Variants in TXNDC16 observed in about 807,000 individuals in gnomAD.
TXNDC16 encodes the protein thioredoxin domain-containing protein 16.
TXNDC16 carries 74 observed loss-of-function variants against 85.6 expected under a neutral mutation model. The ratio of observed to expected loss-of-function variants is 0.86; its 90% CI spans 0.72 to 1.05. TXNDC16 has a LOEUF of 1.05. Ranked by LOEUF, TXNDC16 falls within the 50% of genes least tolerant of loss-of-function variation. The pLI is 0.00. For synonymous variants in TXNDC16, 335 were observed against 326.5 expected, an observed-to-expected ratio of 1.03 and a Z score of -0.28; for missense variants, 959 against 947.0, an observed-to-expected ratio of 1.01 and a Z score of -0.17.
chr14:52,450,081 T>A (rs2035372620), intron 18 of TXNDC16, among the ~76,000 whole-genome samples: 1 of 151,280 alleles, frequency 6.6e-6, no homozygotes, highest in African/African-American at 2.4e-5. Flanking sequence ...AAAGAAATAA[T>A]AAAGATCAGG....
At chr14:52,517,497 A>C (rs1216170365) in intron 7 of TXNDC16, among the ~76,000 whole-genome samples, 1 of 152,110 alleles carries the variant, frequency 6.6e-6, no homozygotes, top group Non-Finnish European at 1.5e-5. Context: ...CTGAGAACAA[A>C]CAACCAATTA....
chr14:52,537,794 T>C, intron 4 of TXNDC16, 122 bp from the exon 5 acceptor site: 1 of 612,028 alleles, frequency 1.6e-6, no homozygotes, highest in Non-Finnish European at 2.9e-6. Flanking sequence ...TATTTTATGT[T>C]TTTTTCTGAT....
At chr14:52,465,272 T>G in intron 16 of TXNDC16, among the ~76,000 whole-genome samples, 1 of 152,068 alleles carries the variant, frequency 6.6e-6, no homozygotes, top group East Asian at 1.9e-4. Context: ...GGAAGTTTCC[T>G]AGATAAATGG....
chr14:52,477,003 G>A (rs548716854), intron 14 of TXNDC16, among the ~76,000 whole-genome samples: 35 of 152,300 alleles, frequency 2.3e-4, no homozygotes, highest in Admixed American at 1.1e-3. Context: ...AAGCTAGAAA[G>A]GATTGGGGCC....
At chr14:52,482,365 AC>A (rs2036169855) in intron 13 of TXNDC16, 76 bp from the exon 14 acceptor site, 11 of 1,273,182 alleles carry the variant, frequency 8.6e-6, no homozygotes, top group African/African-American at 1.5e-5. Flanking sequence ...TAACAAATAT[AC>A]AGATTTATGA....
intron 18 of TXNDC16, among the ~76,000 whole-genome samples, chr14:52,452,860 C>CA (rs1260107308): frequency 6.6e-6 from 1 of 152,028 alleles, no homozygotes; most frequent in Non-Finnish European, 1.5e-5. Flanking sequence ...AATGGTCCTG[C>CA]ACAGCAAAGG....
intron 9 of TXNDC16, among the ~76,000 whole-genome samples, chr14:52,495,860 T>G (rs1038322509): frequency 3.9e-5 from 6 of 152,216 alleles, no homozygotes; most frequent in Admixed American, 1.3e-4. Flanking sequence ...TGAAGACCTG[T>G]GAACTAAAGA....
intron 8 of TXNDC16, 30 bp downstream of exon 8, chr14:52,514,850 A>T (rs2037041931): frequency 6.6e-7 from 1 of 1,524,306 alleles, no homozygotes; most frequent in Non-Finnish European, 8.9e-7. Context: ...AAAAACCTTT[A>T]AATTGTTGAC....
chr14:52,539,419 A>G (rs772749625), intron 4 of TXNDC16, among the ~76,000 whole-genome samples: 3 of 152,218 alleles, frequency 2.0e-5, no homozygotes, highest in Non-Finnish European at 1.5e-5. Context: ...ATGTATTAAG[A>G]ACGAACTGAA....
chr14:52,461,944 C>T (rs1050253394), intron 16 of TXNDC16, among the ~76,000 whole-genome samples: 4 of 152,312 alleles, frequency 2.6e-5, no homozygotes, highest in East Asian at 1.9e-4. Flanking sequence ...GTTTTATGAC[C>T]TTAAAACATG....
At chr14:52,442,244 A>G (rs1408773987) in intron 18 of TXNDC16, among the ~76,000 whole-genome samples, 1 of 152,166 alleles carries the variant, frequency 6.6e-6, no homozygotes, top group Non-Finnish European at 1.5e-5. Context: ...CACGTCCATT[A>G]TTTCATCCTC....
intron 5 of TXNDC16, 105 bp from the exon 6 acceptor site, chr14:52,536,898 T>C: frequency 1.1e-6 from 1 of 934,638 alleles, no homozygotes; most frequent in South Asian, 1.6e-5. Context: ...AGGTCTTTGA[T>C]GTTACAGCTG....
At chr14:52,479,842 A>C (rs1594713436) in intron 14 of TXNDC16, among the ~76,000 whole-genome samples, 2 of 152,244 alleles carry the variant, frequency 1.3e-5, no homozygotes, top group Admixed American at 6.5e-5. Context: ...ACATGGAACC[A>C]AAAAAGAGCC....
chr14:52,514,383 C>A (rs2037028763), intron 8 of TXNDC16, among the ~76,000 whole-genome samples: 1 of 152,186 alleles, frequency 6.6e-6, no homozygotes, highest in African/African-American at 2.4e-5. Flanking sequence ...AAACTTTAAC[C>A]CTAGGTTGCC....
At chr14:52,506,100 A>C (rs1279707754) in intron 9 of TXNDC16, among the ~76,000 whole-genome samples, 1 of 152,096 alleles carries the variant, frequency 6.6e-6, no homozygotes. Flanking sequence ...CAACCAAAAA[A>C]TAGTCCAGGA....
chr14:52,431,618 T>C lies in TXNDC16; in HGVS notation c.*686A>G, dbSNP rs980216067. 13 of 152,324 alleles carry C rather than the reference T, an allele frequency of 8.5e-5. No individual in the cohort carries two copies. The highest frequency in any genetic ancestry group is 3.1e-4 in the African/African-American group (13 of 41,586). The allele number at this position is 152,324 out of a possible 1,614,324, so 9.4% of individuals were successfully genotyped here. A position where few individuals can be genotyped will look rare whatever the true frequency, so the allele number is the denominator to read the frequency against. On this transcript the variant is annotated 3_prime_UTR_variant, in exon 21 of 21. Transcript: ENST00000281741. ...ACGACTACCATTTCGGGCAGGATAA[T>C]TCTTTGTTGTGGGGCGCTGTCCAAT...
intron 7 of TXNDC16, among the ~76,000 whole-genome samples, chr14:52,518,640 A>T (rs1288876867): frequency 6.6e-6 from 1 of 151,670 alleles, no homozygotes; most frequent in Non-Finnish European, 1.5e-5. Context: ...ATAACTTCCT[A>T]TTTTTCTCCC....
intron 12 of TXNDC16, among the ~76,000 whole-genome samples, chr14:52,485,298 AAG>A (rs2036243405): frequency 6.6e-6 from 1 of 152,230 alleles, no homozygotes; most frequent in Non-Finnish European, 1.5e-5. Flanking sequence ...GATATAAAAA[AAG>A]AAAATATTTT....
intron 9 of TXNDC16, among the ~76,000 whole-genome samples, chr14:52,496,526 A>C (rs1053647958): frequency 6.8e-6 from 1 of 146,138 alleles, no homozygotes; most frequent in African/African-American, 2.5e-5. Context: ...ATTTTGTGCT[A>C]TTTCTGTCTC....
Sources: allele counts gnomAD v4.1 joint callset (sites outside exome capture counted in the v4.1 genomes callset), GRCh38; gene constraint gnomAD v4.1.1; transcripts MANE v1.5; gene names NCBI Gene and HGNC (gene_info 2026-07-23, HGNC 2026-07-21).